The following FOXP1 variants were observed in gnomAD, a reference collection of about 807,000 sequenced individuals.
FOXP1 encodes the protein forkhead box P1, also known as forkhead box protein P1.
Under a neutral mutation model 98.2 loss-of-function variants are expected in FOXP1, and 15 were observed. That is an observed-to-expected ratio of 0.15 (90% CI 0.10 to 0.24). The LOEUF (loss-of-function observed/expected upper bound fraction) is 0.24. FOXP1 is among the 10% of genes least tolerant of loss of function. The pLI, the probability that FOXP1 is intolerant of heterozygous loss-of-function variation, is 1.00. For synonymous variants in FOXP1, 371 were observed against 314.5 expected, an observed-to-expected ratio of 1.18 and a Z score of -1.90; for missense variants, 633 against 848.5, an observed-to-expected ratio of 0.75 and a Z score of 3.15.
intron 17 of FOXP1, among the ~76,000 whole-genome samples, chr3:70,975,154 T>C (rs748316631): frequency 6.6e-6 from 1 of 152,234 alleles, no homozygotes; most frequent in African/African-American, 2.4e-5. Context: ...AAAAGTGCAA[T>C]CTGAAGATCT....
intron 2 of FOXP1, among the ~76,000 whole-genome samples, chr3:71,531,576 A>C (rs1006616802): frequency 6.6e-6 from 1 of 152,250 alleles, no homozygotes; most frequent in South Asian, 2.1e-4. Context: ...TGTTAGGAGT[A>C]AGAAGAAAAT....
chr3:71,512,249 G>GGTAGGGTA (rs1248873878), intron 2 of FOXP1, among the ~76,000 whole-genome samples: 1 of 152,138 alleles, frequency 6.6e-6, no homozygotes, highest in Middle Eastern at 3.2e-3. Context: ...CCTGGCGAAG[G>GGTAGGGTA]GTAGGGTAAT....
At chr3:71,127,767 A>C (rs2059315535) in intron 6 of FOXP1, among the ~76,000 whole-genome samples, 1 of 152,228 alleles carries the variant, frequency 6.6e-6, no homozygotes, top group Non-Finnish European at 1.5e-5. Context: ...TTTGCAGCCT[A>C]CCTATGTCCC....
intron 2 of FOXP1, among the ~76,000 whole-genome samples, chr3:71,546,036 C>A (rs2045329509): frequency 6.6e-6 from 1 of 152,178 alleles, no homozygotes; most frequent in East Asian, 1.9e-4. Context: ...AAAGTGGAGA[C>A]AATGCACTTG....
chr3:71,179,010 T>TAAAAAAAA (rs202156226), intron 6 of FOXP1, among the ~76,000 whole-genome samples: 1 of 128,756 alleles, frequency 7.8e-6, no homozygotes. Flanking sequence ...GCACTCTGTC[T>TAAAAAAAA]AAAAAAAAAA....
intron 3 of FOXP1, among the ~76,000 whole-genome samples, chr3:71,477,585 CAT>C (rs2089954568): frequency 1.3e-5 from 2 of 152,158 alleles, no homozygotes; most frequent in Non-Finnish European, 1.5e-5. Flanking sequence ...AACCATACAA[CAT>C]AGAGTTAGCA....
chr3:71,454,768 G>C (rs577529336), intron 3 of FOXP1, among the ~76,000 whole-genome samples: 1 of 150,564 alleles, frequency 6.6e-6, no homozygotes, highest in Non-Finnish European at 1.5e-5. Context: ...ACGTGGATTC[G>C]AATCATCAAA....
At chr3:71,430,024 C>T (rs1157337580) in intron 3 of FOXP1, among the ~76,000 whole-genome samples, 2 of 152,184 alleles carry the variant, frequency 1.3e-5, no homozygotes, top group Admixed American at 6.5e-5. Context: ...ATGAAGATTC[C>T]TTTTTCCTCC....
chr3:71,138,728 G>A (rs1488049678), intron 6 of FOXP1, among the ~76,000 whole-genome samples: 1 of 152,162 alleles, frequency 6.6e-6, no homozygotes, highest in Non-Finnish European at 1.5e-5. Flanking sequence ...TGACAGACTG[G>A]CGTTCAAGTC....
At chr3:71,402,291 C>T (rs1192644966) in intron 3 of FOXP1, among the ~76,000 whole-genome samples, 1 of 152,118 alleles carries the variant, frequency 6.6e-6, no homozygotes, top group Non-Finnish European at 1.5e-5. Flanking sequence ...CCCATCTCTA[C>T]TAAAGATACA....
intron 4 of FOXP1, among the ~76,000 whole-genome samples, chr3:71,307,015 A>T (rs1380985204): frequency 6.6e-6 from 1 of 152,194 alleles, no homozygotes; most frequent in Non-Finnish European, 1.5e-5. Context: ...CTGACCTCTT[A>T]TTCTATGTTC....
intron 5 of FOXP1, among the ~76,000 whole-genome samples, chr3:71,267,249 C>G (rs1157101104): frequency 2.0e-5 from 3 of 152,052 alleles, no homozygotes; most frequent in African/African-American, 7.2e-5. Context: ...ATTAGGAGCT[C>G]TGAAGCAATG....
intron 13 of FOXP1, 48 bp downstream of exon 13, chr3:71,000,924 G>C (rs1454300911): frequency 8.0e-7 from 1 of 1,251,654 alleles, no homozygotes; most frequent in African/African-American, 1.5e-5. Flanking sequence ...CAGAAATCTG[G>C]AATTTGAGGC....
At chr3:71,542,391 G>A (rs2044921026) in intron 2 of FOXP1, among the ~76,000 whole-genome samples, 1 of 152,218 alleles carries the variant, frequency 6.6e-6, no homozygotes, top group South Asian at 2.1e-4. Flanking sequence ...CTTTGTAACT[G>A]CAACTTTCAC....
At chr3:71,511,041 T>C (rs765127272) in intron 2 of FOXP1, among the ~76,000 whole-genome samples, 9 of 152,250 alleles carry the variant, frequency 5.9e-5, no homozygotes, top group Admixed American at 1.3e-4. Flanking sequence ...AGCCTCACAA[T>C]GTTTGGCAGT....
chr3:71,087,115 A>G (rs1019785861), intron 7 of FOXP1, among the ~76,000 whole-genome samples: 2 of 152,222 alleles, frequency 1.3e-5, no homozygotes, highest in East Asian at 3.9e-4. Context: ...GAATTCCAAC[A>G]AAGAGCTCTT....
chr3:71,503,020 C>T (rs971615981), intron 2 of FOXP1, among the ~76,000 whole-genome samples: 1 of 143,912 alleles, frequency 6.9e-6, no homozygotes, highest in African/African-American at 2.6e-5. Context: ...TAATGTAAAA[C>T]TGAAAAGCCT....
intron 7 of FOXP1, 83 bp downstream of exon 7, chr3:71,112,453 T>C: frequency 1.8e-6 from 2 of 1,086,166 alleles, no homozygotes; most frequent in South Asian, 2.5e-5. Flanking sequence ...TGATTTGCAA[T>C]GCTCAACACA....
intron 5 of FOXP1, among the ~76,000 whole-genome samples, chr3:71,208,536 T>TTGTG (rs1553780525): frequency 2.5e-4 from 38 of 149,454 alleles, no homozygotes; most frequent in Admixed American, 1.1e-3. Flanking sequence ...GCATTTAAGT[T>TTGTG]TGTGTGTGTG....
Sources: allele counts gnomAD v4.1 joint callset (sites outside exome capture counted in the v4.1 genomes callset), GRCh38; gene constraint gnomAD v4.1.1; transcripts MANE v1.5; gene names NCBI Gene and HGNC (gene_info 2026-07-23, HGNC 2026-07-21).